Variants in ACACA observed in about 807,000 individuals in gnomAD.
ACACA encodes the protein acetyl-CoA carboxylase 1.
A neutral mutation model predicts 296.1 loss-of-function variants in ACACA; 103 were observed. The ratio of observed to expected loss-of-function variants is 0.35; its 90% CI spans 0.30 to 0.41. The LOEUF (loss-of-function observed/expected upper bound fraction) is 0.41. Among genes scored for constraint, ACACA ranks in the 10% least tolerant of loss-of-function variants. ACACA has a pLI of 1.00. For missense variants in ACACA, 1,554 were observed against 2,989.7 expected (o/e 0.52, Z 11.20); for synonymous variants, 953 against 1,038.6 (o/e 0.92, Z 1.58).
intron 45 of ACACA, chr17:37,141,441 T>C: frequency 3.5e-6 from 1 of 288,284 alleles, no homozygotes; most frequent in Non-Finnish European, 6.8e-6. Context: ...TTTTAATTAT[T>C]TTGTAGAGGG....
At chr17:37,096,850 G>A in intron 54 of ACACA, 146 bp downstream of exon 54, 1 of 952,346 alleles carries the variant, frequency 1.1e-6, no homozygotes, top group Non-Finnish European at 1.7e-6. Flanking sequence ...AGGGGGAGTA[G>A]CTGGGGGAGG....
chr17:37,321,780 AT>A (rs974128341), intron 3 of ACACA, among the ~76,000 whole-genome samples: 1 of 150,970 alleles, frequency 6.6e-6, no homozygotes, highest in African/African-American at 2.4e-5. Flanking sequence ...TTAAAAAAAA[AT>A]ACAAATACAA....
At chr17:37,223,424 A>C in intron 28 of ACACA, 88 bp downstream of exon 28, 1 of 1,061,806 alleles carries the variant, frequency 9.4e-7, no homozygotes, top group Non-Finnish European at 1.5e-6. Flanking sequence ...AAGGCCAGAG[A>C]ACTAGAACTG....
intron 41 of ACACA, among the ~76,000 whole-genome samples, chr17:37,175,771 A>G (rs2077089183): frequency 6.6e-6 from 1 of 152,242 alleles, no homozygotes; most frequent in Admixed American, 6.5e-5. Flanking sequence ...ACTAAATGTA[A>G]TGCCATTCAA....
At chr17:37,225,656 AC>A in intron 26 of ACACA, 1 of 175,756 alleles carries the variant, frequency 5.7e-6, no homozygotes, top group Non-Finnish European at 1.2e-5. Flanking sequence ...AAACAGTGAC[AC>A]GGTAGGATCT....
chr17:37,103,839 C>T (rs978703914), intron 52 of ACACA, among the ~76,000 whole-genome samples: 1 of 152,086 alleles, frequency 6.6e-6, no homozygotes, highest in African/African-American at 2.4e-5. Context: ...GGGTTCAATA[C>T]CAGCCTGGGC....
chr17:37,096,687 GAAC>G (rs1237937868), intron 54 of ACACA, among the ~76,000 whole-genome samples: 1 of 152,120 alleles, frequency 6.6e-6, no homozygotes, highest in Admixed American at 6.5e-5. Context: ...ATGTGGATAG[GAAC>G]AACATTTGCC....
intron 55 of ACACA, among the ~76,000 whole-genome samples, chr17:37,087,951 C>T (rs546105538): frequency 7.2e-5 from 11 of 152,328 alleles, no homozygotes; most frequent in African/African-American, 2.6e-4. Context: ...CTTAAAATGT[C>T]TTCCTGCAGA....
intron 2 of ACACA, among the ~76,000 whole-genome samples, chr17:37,338,865 AG>A (rs1475980501): frequency 6.6e-6 from 1 of 150,648 alleles, no homozygotes; most frequent in African/African-American, 2.5e-5. Context: ...GCTTGAACCC[AG>A]GAGGCAGAGG....
chr17:37,169,751 C>T (rs185379535), intron 41 of ACACA, among the ~76,000 whole-genome samples: 58 of 152,294 alleles, frequency 3.8e-4, no homozygotes, highest in Admixed American at 3.5e-3. Flanking sequence ...TAATGACTAA[C>T]GGAGACCCCA....
At chr17:37,216,016 T>G (rs2078964719) in intron 29 of ACACA, among the ~76,000 whole-genome samples, 2 of 151,074 alleles carry the variant, frequency 1.3e-5, no homozygotes, top group Non-Finnish European at 3.0e-5. Context: ...AGATAGTCAC[T>G]TCTCCTTCAA....
At chr17:37,165,076 C>A (rs1190854917) in intron 41 of ACACA, among the ~76,000 whole-genome samples, 1 of 152,116 alleles carries the variant, frequency 6.6e-6, no homozygotes, top group East Asian at 1.9e-4. Context: ...TATTCTTTAT[C>A]AATGTCTTTC....
At chr17:37,390,330 A>ATATATATTATATATATATATATATATATC (rs1386032855) in intron 1 of ACACA, among the ~76,000 whole-genome samples, 1 of 41,592 alleles carries the variant, frequency 2.4e-5, no homozygotes, top group African/African-American at 1.3e-4. Context: ...ATATATATAT[A>ATATATATTATATATATATATATATATATC]TATAAAAGGC....
chr17:37,384,037 G>A (rs941823888), intron 1 of ACACA, among the ~76,000 whole-genome samples: 11 of 152,108 alleles, frequency 7.2e-5, no homozygotes, highest in East Asian at 5.8e-4. Flanking sequence ...AGCCCGAGGC[G>A]GGCAGAACAT....
At chr17:37,112,949 T>C in intron 51 of ACACA, 139 bp downstream of exon 51, 1 of 1,025,042 alleles carries the variant, frequency 9.8e-7, no homozygotes, top group Non-Finnish European at 1.5e-6. Context: ...GGACCTGGAC[T>C]GTAATGGAAG....
At chr17:37,384,160 A>G (rs550323211) in intron 1 of ACACA, among the ~76,000 whole-genome samples, 2 of 152,204 alleles carry the variant, frequency 1.3e-5, no homozygotes, top group Non-Finnish European at 2.9e-5. Flanking sequence ...GACAGTCTGC[A>G]TAGGAGGATG....
At chr17:37,197,258 A>C (rs1200069216) in intron 35 of ACACA, among the ~76,000 whole-genome samples, 1 of 152,062 alleles carries the variant, frequency 6.6e-6, no homozygotes, top group African/African-American at 2.4e-5. Context: ...AGCAACCTCT[A>C]CTCTGGCCCT....
Position 37,244,673 on chromosome 17 carries a change from AGT to A in ACACA, c.2655_2656del (p.Lys885AsnfsTer11). On this transcript the variant is annotated frameshift_variant, in exon 21 of 56. Coordinates refer to ENST00000616317, the MANE Select transcript of ACACA (RefSeq NM_198834.3). LOFTEE classifies it high-confidence loss of function. ...CAGGACATAATGGAACACTCGATGG[AGT>A]TTCTCGCCTCTGAGTGCCGTGCTCT... 1 of 1,614,162 alleles carries A rather than the reference AGT, an allele frequency of 6.2e-7. No individual in the cohort carries two copies. The highest frequency in any genetic ancestry group is 8.5e-7 in the Non-Finnish European group (1 of 1,180,020).
intron 3 of ACACA, among the ~76,000 whole-genome samples, chr17:37,297,164 G>A (rs1294590694): frequency 1.3e-5 from 2 of 151,394 alleles, no homozygotes; most frequent in African/African-American, 4.8e-5. Flanking sequence ...ATTTAAGGCC[G>A]GGCGCGGTGG....
Sources: gnomAD v4.1 joint callset for allele counts (sites outside exome capture counted in the v4.1 genomes callset) on GRCh38, gnomAD v4.1.1 for gene constraint, MANE v1.5 for transcripts, NCBI Gene and HGNC (gene_info 2026-07-23, HGNC 2026-07-21) for gene names.